MBNL1: variants seen among roughly 807,000 people sequenced by gnomAD.
MBNL1 encodes the protein muscleblind-like protein 1.
Under a neutral mutation model 42.2 loss-of-function variants are expected in MBNL1, and 8 were observed. That is an observed-to-expected ratio of 0.19 (90% confidence interval 0.11 to 0.34). The LOEUF (loss-of-function observed/expected upper bound fraction) is 0.34, where lower values mean the gene tolerates loss of function less well. Among genes scored for constraint, MBNL1 ranks in the 10% least tolerant of loss-of-function variants. The pLI is 1.00. For missense variants in MBNL1, 309 were observed against 495.3 expected (o/e 0.62, Z 3.57); for synonymous variants, 169 against 173.9 (o/e 0.97, Z 0.22).
chr3:152,346,612 TA>T (rs2094286181), intron 2 of MBNL1, among the ~76,000 whole-genome samples: 1 of 152,104 alleles, frequency 6.6e-6, no homozygotes, highest in Admixed American at 6.6e-5. Flanking sequence ...ATTTTCAGGT[TA>T]GAAAAATGTG....
chr3:152,246,050 C>T (rs1014777296), intron 2 of MBNL1, among the ~76,000 whole-genome samples: 5 of 152,108 alleles, frequency 3.3e-5, no homozygotes, highest in Admixed American at 2.6e-4. Context: ...CACCACTACA[C>T]TCCAGCCTAA....
intron 2 of MBNL1, chr3:152,340,946 C>T: frequency 6.5e-7 from 1 of 1,537,612 alleles, no homozygotes; most frequent in South Asian, 1.3e-5. Flanking sequence ...CTGCAGCAGG[C>T]CTGCACCTAT....
At chr3:152,431,168 T>C (rs916820858) in intron 3 of MBNL1, among the ~76,000 whole-genome samples, 10 of 152,176 alleles carry the variant, frequency 6.6e-5, no homozygotes, top group African/African-American at 2.4e-4. Flanking sequence ...GGATAATTCT[T>C]TGTTGCGAGG....
At chr3:152,365,745 C>A (rs1275996023) in intron 2 of MBNL1, among the ~76,000 whole-genome samples, 1 of 152,070 alleles carries the variant, frequency 6.6e-6, no homozygotes, top group Admixed American at 6.6e-5. Flanking sequence ...TTCTATTAAA[C>A]ATCTGTTAAA....
At chr3:152,322,481 G>A (rs1178330804) in intron 2 of MBNL1, among the ~76,000 whole-genome samples, 1 of 151,982 alleles carries the variant, frequency 6.6e-6, no homozygotes, top group Non-Finnish European at 1.5e-5. Context: ...AACTAGCCTT[G>A]TATATAGAAC....
At chr3:152,301,280 A>G (rs1432406231) in intron 2 of MBNL1, among the ~76,000 whole-genome samples, 1 of 152,234 alleles carries the variant, frequency 6.6e-6, no homozygotes. Flanking sequence ...GGTCAAGACT[A>G]GAAATGTGTT....
rs115634859 is a variant in MBNL1 at position 152,314,664 on chromosome 3, C to T, written c.174+14297C>T. On this transcript the variant is annotated intron_variant, in intron 2 of 9. Coordinates refer to ENST00000324210, the MANE Select transcript of MBNL1 (RefSeq NM_021038.5). ...TGCTGAGATTATAGGTGTGAGCCACCATGCCTGGCCTAGCTCCAAAATTTT... is the reference window on the plus strand; with the variant it reads ...TGCTGAGATTATAGGTGTGAGCCACTATGCCTGGCCTAGCTCCAAAATTTT... Among the ~76,000 whole-genome samples the T allele has an allele frequency of 4.8e-3, 736 of 152,294 alleles. 4 individuals are homozygous for T. Among genetic ancestry groups the T allele is most frequent in the African/African-American group, 0.017 (693 of 41,556 alleles).
At chr3:152,427,626 A>G (rs1187327288) in intron 3 of MBNL1, among the ~76,000 whole-genome samples, 2 of 152,114 alleles carry the variant, frequency 1.3e-5, no homozygotes, top group African/African-American at 4.8e-5. Context: ...GGCACTGTTT[A>G]TATTCAAAAT....
intron 6 of MBNL1, among the ~76,000 whole-genome samples, chr3:152,453,044 ATTACT>A (rs749686472): frequency 1.1e-4 from 16 of 151,580 alleles, no homozygotes; most frequent in Non-Finnish European, 2.1e-4. Flanking sequence ...ATATTAATAA[ATTACT>A]TATAATTAAT....
chr3:152,375,810 A>T (rs1176206014), intron 2 of MBNL1, among the ~76,000 whole-genome samples: 1 of 150,940 alleles, frequency 6.6e-6, no homozygotes, highest in African/African-American at 2.4e-5. Context: ...TGGAGCCAAG[A>T]CCTTGTCTCA....
rs991919703 is a variant in MBNL1, at chr3:152,359,480, G to A, written c.175-55461G>A. On this transcript the variant is annotated intron_variant, in intron 2 of 9. Coordinates refer to ENST00000324210, the MANE Select transcript of MBNL1 (RefSeq NM_021038.5). ...TGGGGAAGGAGACACTGATTTGTCA[G>A]GTTTGCTGATTTCTGTGGTGCAGGC... Among the ~76,000 whole-genome samples, 4 of 152,008 alleles carry A rather than the reference G, an allele frequency of 2.6e-5. No individual in the cohort carries two copies. In the South Asian group the frequency reaches 8.3e-4, roughly 32 times the overall value.
At chr3:152,458,159 G>A (rs1484199766) in intron 8 of MBNL1, 3 of 1,613,892 alleles carry the variant, frequency 1.9e-6, no homozygotes. Context: ...ACACTGTTGG[G>A]TGCAACATCC....
chr3:152,342,148 A>G (rs1390168348), intron 2 of MBNL1, among the ~76,000 whole-genome samples: 1 of 152,158 alleles, frequency 6.6e-6, no homozygotes, highest in African/African-American at 2.4e-5. Context: ...TCCAGAGTCC[A>G]TCCATCCTTA....
intron 2 of MBNL1, among the ~76,000 whole-genome samples, chr3:152,356,832 G>T (rs181511709): frequency 1.3e-4 from 19 of 148,588 alleles, no homozygotes; most frequent in African/African-American, 4.3e-4. Flanking sequence ...CTGTATTCCA[G>T]AGGGGATCTG....
At chr3:152,360,800 G>A (rs1055805577) in intron 2 of MBNL1, among the ~76,000 whole-genome samples, 13 of 152,002 alleles carry the variant, frequency 8.6e-5, no homozygotes, top group East Asian at 3.8e-4. Flanking sequence ...GACACTCTCC[G>A]TCATATACAT....
At chr3:152,327,461 C>T (rs1240737978) in intron 2 of MBNL1, among the ~76,000 whole-genome samples, 1 of 152,128 alleles carries the variant, frequency 6.6e-6, no homozygotes, top group Non-Finnish European at 1.5e-5. Flanking sequence ...GATTCTCCTG[C>T]CTCAGCCTCC....
chr3:152,269,254 C>T (rs922291785), intron 1 of MBNL1, 162 bp downstream of exon 1: 17 of 356,624 alleles, frequency 4.8e-5, no homozygotes, highest in Admixed American at 1.1e-4. Context: ...TCCCTCAGCA[C>T]CTCCTGCCCG....
intron 3 of MBNL1, among the ~76,000 whole-genome samples, chr3:152,428,461 A>G (rs2098965130): frequency 6.6e-6 from 1 of 152,216 alleles, no homozygotes; most frequent in South Asian, 2.1e-4. Context: ...AGAGATGTAG[A>G]TGGATCAAGA....
chr3:152,352,255 G>A (rs191107922), intron 2 of MBNL1, among the ~76,000 whole-genome samples: 229 of 152,276 alleles, frequency 1.5e-3, no homozygotes, highest in Non-Finnish European at 2.4e-3. Context: ...CAGCTTTCAT[G>A]TATTCATTTT....
Sources: gnomAD v4.1 joint callset for allele counts (sites outside exome capture counted in the v4.1 genomes callset) on GRCh38, gnomAD v4.1.1 for gene constraint, MANE v1.5 for transcripts, NCBI Gene and HGNC (gene_info 2026-07-23, HGNC 2026-07-21) for gene names.